The following HIPK3 variants were observed in gnomAD, a reference collection of about 807,000 sequenced individuals.
HIPK3 encodes homeodomain interacting protein kinase 3, also known as homeodomain-interacting protein kinase 3.
In HIPK3, 47 loss-of-function variants were observed where a neutral mutation model predicts 124.2. The ratio of observed to expected loss-of-function variants is 0.38; its 90% CI spans 0.30 to 0.48. HIPK3 has a LOEUF of 0.48. Among genes scored for constraint, HIPK3 ranks in the 20% least tolerant of loss-of-function variants. The pLI is 0.98. For synonymous variants in HIPK3, 482 were observed against 515.2 expected, an observed-to-expected ratio of 0.94 and a Z score of 0.87; for missense variants, 1,286 against 1,454.3, an observed-to-expected ratio of 0.88 and a Z score of 1.88.
intron 2 of HIPK3, among the ~76,000 whole-genome samples, chr11:33,322,155 A>G (rs1301853955): frequency 2.0e-5 from 3 of 151,886 alleles, no homozygotes; most frequent in African/African-American, 7.3e-5. Context: ...GCTTGCCACC[A>G]CACCCAGCTA....
intron 12 of HIPK3, 82 bp downstream of exon 12, chr11:33,348,310 A>G: frequency 7.8e-7 from 1 of 1,285,058 alleles, no homozygotes; most frequent in South Asian, 1.3e-5. Flanking sequence ...CACATTTACC[A>G]AAAAGCAACT....
chr11:33,310,835 G>A (rs1852315081), intron 2 of HIPK3, among the ~76,000 whole-genome samples: 1 of 152,168 alleles, frequency 6.6e-6, no homozygotes, highest in African/African-American at 2.4e-5. Flanking sequence ...CTGGAAGGCA[G>A]ATCAAGTAGG....
At chr11:33,351,905 C>A in intron 15 of HIPK3, 62 bp downstream of exon 15, 1 of 1,373,854 alleles carries the variant, frequency 7.3e-7, no homozygotes, top group Non-Finnish European at 1.0e-6. Context: ...TTAGGAAAAT[C>A]TGAGAATGCA....
rs557342659 is a variant in HIPK3 at position 33,287,460 on chromosome 11, G to A, written c.1046G>A (p.Ser349Asn). Residue 349 changes from serine to asparagine, a missense_variant, in exon 2 of 17, where the codon AGT becomes AAT. Ser to Asn is a conservative substitution (Grantham distance 46). Coordinates refer to ENST00000303296, the MANE Select transcript of HIPK3 (RefSeq NM_005734.5). ...AAAGTAATAGACTTTGGGTCGGCCA[G>A]TCATGTATCAAAGACTGTTTGTTCA... ...RVKVIDFGSA[S>N]HVSKTVCSTY... is the part of the protein sequence containing the mutation. 1 of 1,614,088 alleles carries A rather than the reference G, an allele frequency of 6.2e-7. No homozygotes were observed. The highest frequency in any genetic ancestry group is 1.3e-5 in the African/African-American group (1 of 75,030).
chr11:33,338,887 G>A, intron 5 of HIPK3, 44 bp downstream of exon 5: 1 of 1,382,380 alleles, frequency 7.2e-7, no homozygotes, highest in Non-Finnish European at 1.0e-6. Context: ...TGCTTAGATG[G>A]TAGACTTGAA....
intron 1 of HIPK3, among the ~76,000 whole-genome samples, chr11:33,270,885 A>G (rs1424294657): frequency 3.3e-5 from 5 of 152,230 alleles, no homozygotes; most frequent in Non-Finnish European, 7.3e-5. Context: ...AGCATATGAT[A>G]AAACATTTAA....
In HIPK3 at chr11:33,257,717, C is replaced by T; in HGVS notation, c.-175C>T. 1.0e-6 allele frequency: 1 copy of T among 990,062 alleles called. No individual in the cohort carries two copies. Among genetic ancestry groups the T allele is most frequent in the Non-Finnish European group, 1.2e-6 (1 of 833,040 alleles). The allele number at this position is 990,062 out of a possible 1,614,324, so 61.3% of individuals were successfully genotyped here. Reference sequence around the variant, plus strand: ...GGGGGAGGGTGTTTCGCCGTTTCCTCTCAGCCGCCAGGACAAGATGGCAGC... The same window carrying T: ...GGGGGAGGGTGTTTCGCCGTTTCCTTTCAGCCGCCAGGACAAGATGGCAGC... On this transcript the variant is annotated 5_prime_UTR_variant, in exon 1 of 17. Transcript: ENST00000303296.
At chr11:33,284,253 T>C (rs1488408231) in intron 1 of HIPK3, among the ~76,000 whole-genome samples, 1 of 152,166 alleles carries the variant, frequency 6.6e-6, no homozygotes, top group African/African-American at 2.4e-5. Flanking sequence ...CCAACATTTA[T>C]TGAACACCAA....
At chr11:33,277,179 T>C (rs2133886281) in intron 1 of HIPK3, among the ~76,000 whole-genome samples, 1 of 152,160 alleles carries the variant, frequency 6.6e-6, no homozygotes, top group South Asian at 2.1e-4. Context: ...AAATTTGAGG[T>C]CCCTTCCTTC....
intron 4 of HIPK3, among the ~76,000 whole-genome samples, chr11:33,338,522 G>A (rs375737963): frequency 6.6e-6 from 1 of 152,198 alleles, no homozygotes; most frequent in African/African-American, 2.4e-5. Flanking sequence ...GTGAGCCGCC[G>A]TGCCCGGCCT....
intron 2 of HIPK3, among the ~76,000 whole-genome samples, chr11:33,294,908 C>T (rs1851797484): frequency 6.6e-6 from 1 of 152,138 alleles, no homozygotes; most frequent in South Asian, 2.1e-4. Flanking sequence ...CACATGTTTA[C>T]ATTATTTGCC....
At chr11:33,303,002 A>C (rs266452) in intron 2 of HIPK3, among the ~76,000 whole-genome samples, 2,140 of 152,310 alleles carry the variant, frequency 0.014, 56 homozygotes, top group African/African-American at 0.049. Context: ...TAGCTGTAAA[A>C]TATGTAGTAA....
At chr11:33,338,497 G>A (rs961053666) in intron 4 of HIPK3, among the ~76,000 whole-genome samples, 4 of 152,236 alleles carry the variant, frequency 2.6e-5, no homozygotes, top group Non-Finnish European at 5.9e-5. Context: ...CTCCCAAAGT[G>A]CTGGGATTAC....
chr11:33,341,689 A>G lies in HIPK3; in HGVS notation c.1897+3A>G. The G allele has an allele frequency of 6.3e-7, 1 of 1,595,002 alleles. No individual in the cohort carries two copies. Among genetic ancestry groups the G allele is most frequent in the Non-Finnish European group, 8.5e-7 (1 of 1,172,844 alleles). ...TATCTGTCCCCCAGCTATTCAAGGT[A>G]TTATTTTATTTAAATTTTGCTTTGA... On this transcript the variant is annotated splice_donor_region_variant and intron_variant, in intron 8 of 16. Coordinates refer to ENST00000303296, the MANE Select transcript of HIPK3 (RefSeq NM_005734.5).
chr11:33,352,724 C>T (rs181909638), intron 16 of HIPK3, among the ~76,000 whole-genome samples: 1 of 152,072 alleles, frequency 6.6e-6, no homozygotes, highest in African/African-American at 2.4e-5. Context: ...TAATGGGAAT[C>T]GTAATTATAT....
intron 3 of HIPK3, among the ~76,000 whole-genome samples, chr11:33,335,204 G>A (rs1253171733): frequency 1.3e-5 from 2 of 152,106 alleles, no homozygotes; most frequent in Admixed American, 6.5e-5. Context: ...TTCAATAAGC[G>A]GTTGGGCCTG....
intron 1 of HIPK3, among the ~76,000 whole-genome samples, chr11:33,271,175 A>T (rs561533462): frequency 2.0e-5 from 3 of 152,348 alleles, no homozygotes; most frequent in African/African-American, 7.2e-5. Flanking sequence ...GTTTGTTAAT[A>T]TGATAAATAA....
intron 2 of HIPK3, among the ~76,000 whole-genome samples, chr11:33,327,192 A>G (rs1852836184): frequency 1.3e-5 from 2 of 152,224 alleles, no homozygotes; most frequent in African/African-American, 4.8e-5. Context: ...GTAGAGAAAT[A>G]TAGCAGACAT....
At position 33,351,608 on chromosome 11, in the gene HIPK3, T is replaced by C. The variant is rs1853659592; in HGVS notation, c.2808T>C (p.Ser936=). ...CATAAAAAATGCTTTCTTTTTGTAG[T>C]ATGTCAGATGAAGAGCAAGAAAGTA... is the stretch of plus-strand genomic sequence containing the variant. ...SSPSPCKRPN[S]MSDEEQESSC... Residue 936 remains serine, a splice_region_variant and synonymous_variant, in exon 15 of 17, where the codon AGT becomes AGC. Coordinates refer to ENST00000303296, the MANE Select transcript of HIPK3 (RefSeq NM_005734.5). 2 of 1,609,324 alleles carry C rather than the reference T, an allele frequency of 1.2e-6. No homozygotes were observed. The highest frequency in any genetic ancestry group is 4.5e-5 in the East Asian group (2 of 44,852).
Sources: gnomAD v4.1 joint callset for allele counts (sites outside exome capture counted in the v4.1 genomes callset) on GRCh38, gnomAD v4.1.1 for gene constraint, MANE v1.5 for transcripts, NCBI Gene and HGNC (gene_info 2026-07-23, HGNC 2026-07-21) for gene names.